NPAS3: variants seen among roughly 807,000 people sequenced by gnomAD.
NPAS3 encodes the protein neuronal PAS domain-containing protein 3.
NPAS3 carries 14 observed loss-of-function variants against 73.1 expected under a neutral mutation model. The ratio of observed to expected loss-of-function variants is 0.19; its 90% CI spans 0.13 to 0.30. The LOEUF is 0.30. NPAS3 is among the 10% of genes least tolerant of loss of function. The pLI is 1.00. For missense variants in NPAS3, 1,096 were observed against 1,250.0 expected (o/e 0.88, Z 1.86); for synonymous variants, 620 against 541.5 (o/e 1.14, Z -2.01).
At chr14:33,648,074 C>A (rs1231567175) in intron 5 of NPAS3, among the ~76,000 whole-genome samples, 1 of 152,086 alleles carries the variant, frequency 6.6e-6, no homozygotes, top group African/African-American at 2.4e-5. Flanking sequence ...TTGATTTTGC[C>A]CCCAGGTTAC....
At chr14:33,349,247 CCT>C (rs2044902906) in intron 3 of NPAS3, among the ~76,000 whole-genome samples, 2 of 152,096 alleles carry the variant, frequency 1.3e-5, no homozygotes, top group South Asian at 4.2e-4. Context: ...TTTTTCCTAG[CCT>C]ATTTATACTG....
At chr14:32,976,962 C>A (rs1435040449) in intron 1 of NPAS3, among the ~76,000 whole-genome samples, 2 of 152,150 alleles carry the variant, frequency 1.3e-5, no homozygotes, top group East Asian at 3.9e-4. Context: ...AGAGAGTTTA[C>A]TCATTCTCTG....
intron 6 of NPAS3, chr14:33,680,847 T>TGTAAA (rs1267059348): frequency 1.5e-5 from 8 of 546,668 alleles, no homozygotes; most frequent in South Asian, 5.2e-5. Context: ...CCATTGGTTG[T>TGTAAA]GTAAAGTATG....
chr14:33,589,380 T>TA (rs894191034), intron 5 of NPAS3, among the ~76,000 whole-genome samples: 1 of 152,140 alleles, frequency 6.6e-6, no homozygotes, highest in African/African-American at 2.4e-5. Flanking sequence ...CAGAACATGG[T>TA]AAAAAAGCAC....
chr14:33,713,467 T>C (rs2060876844), intron 6 of NPAS3, among the ~76,000 whole-genome samples: 1 of 152,260 alleles, frequency 6.6e-6, no homozygotes, highest in South Asian at 2.1e-4. Flanking sequence ...AAGCCCCATC[T>C]GGCAGACTTC....
chr14:33,543,949 A>C (rs1186256996), intron 4 of NPAS3, among the ~76,000 whole-genome samples: 1 of 1,052 alleles, frequency 9.5e-4, no homozygotes, highest in African/African-American at 4.5e-3. Flanking sequence ...CAAAGTGCAT[A>C]TATATATATA....
chr14:33,007,983 G>T (rs1056835869), intron 1 of NPAS3, among the ~76,000 whole-genome samples: 3 of 152,238 alleles, frequency 2.0e-5, no homozygotes, highest in African/African-American at 7.2e-5. Flanking sequence ...TTAGAGGAAA[G>T]CCATAGTTTA....
intron 4 of NPAS3, among the ~76,000 whole-genome samples, chr14:33,440,565 G>C (rs548260899): frequency 3.3e-5 from 5 of 152,128 alleles, no homozygotes; most frequent in Non-Finnish European, 5.9e-5. Flanking sequence ...TTTGAAAGAC[G>C]TGATTCTTTT....
intron 6 of NPAS3, among the ~76,000 whole-genome samples, chr14:33,686,853 T>G (rs773964316): frequency 2.0e-5 from 3 of 152,158 alleles, no homozygotes; most frequent in Non-Finnish European, 4.4e-5. Flanking sequence ...CAGCTCTGTT[T>G]GAGTAGTCTT....
At chr14:33,178,080 T>G (rs2045659764) in intron 2 of NPAS3, among the ~76,000 whole-genome samples, 1 of 88,960 alleles carries the variant, frequency 1.1e-5, no homozygotes, top group African/African-American at 3.8e-5. Context: ...ATTTTTTTTG[T>G]TTTTTTTTTT....
intron 2 of NPAS3, among the ~76,000 whole-genome samples, chr14:33,120,918 T>A (rs2043209895): frequency 6.6e-6 from 1 of 152,248 alleles, no homozygotes; most frequent in South Asian, 2.1e-4. Context: ...TTAATTCACA[T>A]GCGCAAACTC....
chr14:33,322,496 A>C (rs1207077127), intron 3 of NPAS3, among the ~76,000 whole-genome samples: 2 of 144,732 alleles, frequency 1.4e-5, no homozygotes, highest in African/African-American at 5.8e-5. Flanking sequence ...TGTGTTACAT[A>C]CATACACATT....
intron 4 of NPAS3, among the ~76,000 whole-genome samples, chr14:33,463,480 T>C (rs912415417): frequency 6.6e-6 from 1 of 152,182 alleles, no homozygotes; most frequent in African/African-American, 2.4e-5. Flanking sequence ...GCAGTAATTA[T>C]AATTCTCAAG....
At chr14:32,975,224 G>T (rs138533171) in intron 1 of NPAS3, among the ~76,000 whole-genome samples, 237 of 151,256 alleles carry the variant, frequency 1.6e-3, no homozygotes, top group African/African-American at 4.4e-3. Context: ...ATTAACAGTT[G>T]GCTGATTTCT....
At chr14:33,574,266 C>A (rs187726411) in intron 5 of NPAS3, among the ~76,000 whole-genome samples, 1 of 152,178 alleles carries the variant, frequency 6.6e-6, no homozygotes. Flanking sequence ...ATATACGATA[C>A]AGCACAAATG....
intron 4 of NPAS3, among the ~76,000 whole-genome samples, chr14:33,400,953 T>C (rs1284947982): frequency 6.6e-6 from 1 of 152,000 alleles, no homozygotes; most frequent in Non-Finnish European, 1.5e-5. Context: ...ACAGTTCTTT[T>C]CTCTTCACTT....
At chr14:33,537,263 G>C (rs2054297793) in intron 4 of NPAS3, among the ~76,000 whole-genome samples, 1 of 152,300 alleles carries the variant, frequency 6.6e-6, no homozygotes, top group East Asian at 1.9e-4. Context: ...TTTAATTGTT[G>C]TGTATTTAAC....
chr14:33,128,960 CTT>C (rs2043535004), intron 2 of NPAS3, among the ~76,000 whole-genome samples: 1 of 152,086 alleles, frequency 6.6e-6, no homozygotes, highest in Admixed American at 6.6e-5. Flanking sequence ...CTGACAATCT[CTT>C]TTTGTCACTT....
chr14:32,982,780 G>C (rs549508046), intron 1 of NPAS3, among the ~76,000 whole-genome samples: 1 of 152,194 alleles, frequency 6.6e-6, no homozygotes, highest in Non-Finnish European at 1.5e-5. Context: ...GGAACAGAAG[G>C]AAGGTAAAAC....
Sources: gnomAD v4.1 joint callset for allele counts (sites outside exome capture counted in the v4.1 genomes callset) on GRCh38, gnomAD v4.1.1 for gene constraint, MANE v1.5 for transcripts, NCBI Gene and HGNC (gene_info 2026-07-23, HGNC 2026-07-21) for gene names.